KCNIP4: variants seen among roughly 807,000 people sequenced by gnomAD.
The protein encoded by KCNIP4 is Kv channel-interacting protein 4.
In KCNIP4, 12 loss-of-function variants were observed where a neutral mutation model predicts 34.0. The observed-to-expected ratio is 0.35, with a 90% CI of 0.23 to 0.57. The LOEUF (loss-of-function observed/expected upper bound fraction) is 0.57, where lower values mean the gene tolerates loss of function less well. Among genes scored for constraint, KCNIP4 ranks in the 20% least tolerant of loss-of-function variants. KCNIP4 has a pLI of 0.83. For missense variants in KCNIP4, 238 were observed against 311.7 expected (o/e 0.76, Z 1.78); for synonymous variants, 124 against 102.2 (o/e 1.21, Z -1.29).
intron 1 of KCNIP4, among the ~76,000 whole-genome samples, chr4:21,515,248 A>G (rs1479795163): frequency 6.6e-6 from 1 of 152,128 alleles, no homozygotes; most frequent in Non-Finnish European, 1.5e-5. Flanking sequence ...TGCCATACTC[A>G]TTGCATTTAT....
rs557574844 is a variant in KCNIP4, at chr4:20,782,474, G to C, written c.289-23584C>G. ...ATTTCCATACATCTTCTGAAATCTA[G>C]ACAGAGGTTCCCAAACCCAAATTCT... On this transcript the variant is annotated intron_variant, in intron 3 of 8. Coordinates refer to ENST00000382152, the MANE Select transcript of KCNIP4 (RefSeq NM_025221.6). Among the ~76,000 whole-genome samples, 25 of 152,262 alleles carry C rather than the reference G, an allele frequency of 1.6e-4. No homozygotes were observed. The South Asian group carries it at 5.2e-3, about 32-fold the overall frequency.
chr4:21,248,068 G>GTA (rs1251033869), intron 1 of KCNIP4, among the ~76,000 whole-genome samples: 1 of 150,512 alleles, frequency 6.6e-6, no homozygotes, highest in Non-Finnish European at 1.5e-5. Context: ...ATATGTGTGT[G>GTA]TGTGTGTGTG....
At chr4:20,877,725 G>C (rs1481901302) in intron 2 of KCNIP4, among the ~76,000 whole-genome samples, 1 of 151,972 alleles carries the variant, frequency 6.6e-6, no homozygotes, top group East Asian at 1.9e-4. Context: ...TCCTCTCCTT[G>C]AATTTTTCCA....
chr4:21,665,890 C>T (rs1748908180), intron 1 of KCNIP4, among the ~76,000 whole-genome samples: 1 of 152,172 alleles, frequency 6.6e-6, no homozygotes, highest in Non-Finnish European at 1.5e-5. Context: ...CCATACATGG[C>T]GCCCCTTTGG....
chr4:20,913,009 C>T (rs1477367120), intron 1 of KCNIP4, among the ~76,000 whole-genome samples: 1 of 151,956 alleles, frequency 6.6e-6, no homozygotes, highest in East Asian at 1.9e-4. Context: ...ACCATATGAC[C>T]CTGACATTTC....
At chr4:21,271,187 A>G (rs1762126073) in intron 1 of KCNIP4, among the ~76,000 whole-genome samples, 2 of 152,236 alleles carry the variant, frequency 1.3e-5, no homozygotes, top group South Asian at 4.1e-4. Context: ...TATGATTTTT[A>G]ACACACGAAA....
chr4:20,918,215 T>C (rs1729034570), intron 1 of KCNIP4, among the ~76,000 whole-genome samples: 1 of 152,166 alleles, frequency 6.6e-6, no homozygotes, highest in East Asian at 1.9e-4. Flanking sequence ...GGTGTTAATC[T>C]TACAGAGCTT....
chr4:20,792,280 A>G (rs1712858629), intron 3 of KCNIP4, among the ~76,000 whole-genome samples: 1 of 152,048 alleles, frequency 6.6e-6, no homozygotes, highest in African/African-American at 2.4e-5. Flanking sequence ...AGGCTGAGGC[A>G]GGAGAATTGC....
At chr4:21,780,730 G>T (rs1461508180) in intron 1 of KCNIP4, among the ~76,000 whole-genome samples, 1 of 152,158 alleles carries the variant, frequency 6.6e-6, no homozygotes, top group Non-Finnish European at 1.5e-5. Flanking sequence ...TTCTAGAGCT[G>T]CTGAAACAAA....
At chr4:21,510,898 G>C (rs1352368396) in intron 1 of KCNIP4, among the ~76,000 whole-genome samples, 1 of 151,882 alleles carries the variant, frequency 6.6e-6, no homozygotes, top group African/African-American at 2.4e-5. Flanking sequence ...TAAAAAGTTA[G>C]CTGGGCATGG....
intron 3 of KCNIP4, among the ~76,000 whole-genome samples, chr4:20,849,956 C>T (rs972839392): frequency 6.6e-6 from 1 of 152,190 alleles, no homozygotes; most frequent in Non-Finnish European, 1.5e-5. Context: ...GATCCACTCA[C>T]TTTCTCTCAC....
intron 1 of KCNIP4, among the ~76,000 whole-genome samples, chr4:21,913,330 C>T (rs149159948): frequency 4.0e-5 from 6 of 151,438 alleles, no homozygotes; most frequent in Non-Finnish European, 5.9e-5. Flanking sequence ...CAGAGTGAGA[C>T]CTTGATTTGT....
intron 1 of KCNIP4, among the ~76,000 whole-genome samples, chr4:21,338,972 A>G (rs1461782593): frequency 6.6e-6 from 1 of 152,192 alleles, no homozygotes; most frequent in African/African-American, 2.4e-5. Context: ...AGGAATCTAT[A>G]GAAACATGGG....
chr4:20,822,498 T>G (rs1331002236), intron 3 of KCNIP4, among the ~76,000 whole-genome samples: 1 of 152,184 alleles, frequency 6.6e-6, no homozygotes, highest in East Asian at 1.9e-4. Context: ...GCATAACCAC[T>G]GTGGAAAACA....
intron 1 of KCNIP4, among the ~76,000 whole-genome samples, chr4:21,528,604 T>C (rs1736182542): frequency 6.7e-6 from 1 of 149,174 alleles, no homozygotes; most frequent in African/African-American, 2.5e-5. Flanking sequence ...GAGGTGGAGG[T>C]TGCAGTGAGC....
intron 1 of KCNIP4, among the ~76,000 whole-genome samples, chr4:21,732,697 C>A (rs1466229015): frequency 3.9e-5 from 6 of 152,084 alleles, no homozygotes; most frequent in African/African-American, 1.4e-4. Flanking sequence ...CTTGCCTCAG[C>A]TATGACTGCC....
At chr4:21,715,158 G>A (rs1339745087) in intron 1 of KCNIP4, among the ~76,000 whole-genome samples, 4 of 150,392 alleles carry the variant, frequency 2.7e-5, no homozygotes, top group Non-Finnish European at 5.9e-5. Flanking sequence ...TGGGCTCACT[G>A]CAAGCTCCGC....
chr4:21,821,215 T>C (rs1722334440), intron 1 of KCNIP4, among the ~76,000 whole-genome samples: 1 of 152,106 alleles, frequency 6.6e-6, no homozygotes, highest in African/African-American at 2.4e-5. Flanking sequence ...CTGCAGGCAA[T>C]TGTCTTGTAT....
intron 1 of KCNIP4, among the ~76,000 whole-genome samples, chr4:21,395,852 T>C (rs2109531435): frequency 6.6e-6 from 1 of 152,226 alleles, no homozygotes; most frequent in East Asian, 1.9e-4. Flanking sequence ...ATTTCAAAGT[T>C]CTGAATCACT....
Sources: allele counts gnomAD v4.1 joint callset (sites outside exome capture counted in the v4.1 genomes callset), GRCh38; gene constraint gnomAD v4.1.1; transcripts MANE v1.5; gene names NCBI Gene and HGNC (gene_info 2026-07-23, HGNC 2026-07-21).